Variants in DPH6 observed in about 807,000 individuals in gnomAD.
The protein encoded by DPH6 is diphthamine biosynthesis 6.
In DPH6, 33 loss-of-function variants were observed where a neutral mutation model predicts 38.2. The observed-to-expected ratio is 0.86, with a 90% CI of 0.65 to 1.15. DPH6 has a LOEUF of 1.15. Ranked by LOEUF, DPH6 falls within the 50% of genes most tolerant of loss-of-function variation. The pLI is 0.00. For synonymous variants in DPH6, 108 were observed against 103.0 expected, an observed-to-expected ratio of 1.05 and a Z score of -0.30; for missense variants, 325 against 320.0, an observed-to-expected ratio of 1.02 and a Z score of -0.12.
intron 6 of DPH6, among the ~76,000 whole-genome samples, chr15:35,405,132 T>A (rs1229170893): frequency 6.6e-6 from 1 of 152,152 alleles, no homozygotes; most frequent in Non-Finnish European, 1.5e-5. Flanking sequence ...TATAGCTCTG[T>A]AGCAGAGTTT....
chr15:35,311,007 C>T (rs1417902124), intron 3 of DPH6, among the ~76,000 whole-genome samples: 2 of 151,234 alleles, frequency 1.3e-5, no homozygotes, highest in African/African-American at 2.4e-5. Context: ...TGCAGTGAGC[C>T]GAGATCACTC....
the DPH6 span, among the ~76,000 whole-genome samples, chr15:35,177,239 T>G: frequency 1.3e-5 from 2 of 152,048 alleles, no homozygotes; most frequent in South Asian, 4.2e-4. Flanking sequence ...TTCAAAGTCA[T>G]GGATTTAGCA....
At position 35,464,155 on chromosome 15, in the gene DPH6, G is replaced by A. The variant is rs187090887; in HGVS notation, c.313-9335C>T. Among the ~76,000 whole-genome samples the A allele has an allele frequency of 9.2e-5, 14 of 152,120 alleles. No homozygotes were observed. In the South Asian group the frequency reaches 1.2e-3, roughly 14 times the overall value. On this transcript the variant is annotated intron_variant, in intron 3 of 8. Coordinates refer to ENST00000256538, the MANE Select transcript of DPH6 (RefSeq NM_080650.4). ...CTAAAAATACAAAAATTATCTGGGC[G>A]TGGTGGCACGCGCCTGTAATCCCAG...
chr15:35,215,780 G>A (rs561446263), downstream of DPH6, among the ~76,000 whole-genome samples: 6 of 152,202 alleles, frequency 3.9e-5, no homozygotes, highest in Admixed American at 3.3e-4. Context: ...AGCCACTGTC[G>A]GCACTATTAT....
At chr15:35,189,176 C>T in the DPH6 span, among the ~76,000 whole-genome samples, 2 of 152,130 alleles carry the variant, frequency 1.3e-5, no homozygotes, top group Non-Finnish European at 2.9e-5. Context: ...TAGCTTTATG[C>T]TACAAGTGAG....
chr15:35,447,445 G>A (rs2053869961), intron 5 of DPH6, among the ~76,000 whole-genome samples: 1 of 150,316 alleles, frequency 6.7e-6, no homozygotes, highest in Middle Eastern at 3.4e-3. Context: ...GTCCCCCCCC[G>A]CCATTTCCAT....
chr15:35,466,924 T>A (rs1438714251), intron 3 of DPH6, among the ~76,000 whole-genome samples: 3 of 152,172 alleles, frequency 2.0e-5, no homozygotes, highest in African/African-American at 7.2e-5. Flanking sequence ...GGTTGGAGCT[T>A]ACAGGACTGG....
chr15:35,298,526 A>T, intron 3 of DPH6: 1 of 778,772 alleles, frequency 1.3e-6, no homozygotes, highest in Non-Finnish European at 2.4e-6. Flanking sequence ...CATGTTCCTT[A>T]GTAGGACCAC....
At chr15:35,498,068 T>C (rs78193501) in intron 3 of DPH6, among the ~76,000 whole-genome samples, 2,895 of 152,296 alleles carry the variant, frequency 0.019, 32 homozygotes, top group South Asian at 0.035. Flanking sequence ...GAGCAGACTA[T>C]TATGCACAGC....
intron 3 of DPH6, among the ~76,000 whole-genome samples, chr15:35,247,839 A>T (rs2051646619): frequency 6.6e-6 from 1 of 152,208 alleles, no homozygotes. Flanking sequence ...AAGAAAAATC[A>T]GGTAAAAGGT....
At chr15:35,210,536 C>T in the DPH6 span, among the ~76,000 whole-genome samples, 5 of 152,164 alleles carry the variant, frequency 3.3e-5, no homozygotes, top group African/African-American at 1.2e-4. Flanking sequence ...CAAGGATGAA[C>T]AGTCATACAC....
the DPH6 span, among the ~76,000 whole-genome samples, chr15:35,193,422 C>G: frequency 6.6e-6 from 1 of 151,906 alleles, no homozygotes; most frequent in East Asian, 1.9e-4. Flanking sequence ...TTTAGATTAA[C>G]TTCTATAATT....
chr15:35,483,463 C>CA (rs202155666), intron 3 of DPH6, among the ~76,000 whole-genome samples: 40 of 94,058 alleles, frequency 4.3e-4, no homozygotes, highest in East Asian at 1.2e-3. Flanking sequence ...GACTCTGTCT[C>CA]AAAAAAAAAC....
At chr15:35,296,504 T>C (rs2052016114) in intron 3 of DPH6, among the ~76,000 whole-genome samples, 1 of 152,132 alleles carries the variant, frequency 6.6e-6, no homozygotes, top group Non-Finnish European at 1.5e-5. Flanking sequence ...GATTCTAGGC[T>C]CTATCACTTT....
At chr15:35,256,591 G>A (rs2622757) in intron 3 of DPH6, among the ~76,000 whole-genome samples, 86,895 of 152,146 alleles carry the variant, frequency 0.57, 27,585 homozygotes, top group Non-Finnish European at 0.73. Context: ...TGCAAAAGAG[G>A]CTGTGTGTAT....
At chr15:35,238,267 CAA>C (rs34671914) in intron 3 of DPH6, 251 of 234,012 alleles carry the variant, frequency 1.1e-3, no homozygotes, top group South Asian at 2.4e-3. Flanking sequence ...TTTTTACTGC[CAA>C]AAAAAAAAAA....
intron 3 of DPH6, chr15:35,237,868 A>C (rs2051566551): frequency 2.0e-6 from 3 of 1,500,280 alleles, no homozygotes; most frequent in African/African-American, 1.4e-5. Flanking sequence ...AGTATGACGA[A>C]GATGCTCAGG....
intron 5 of DPH6, among the ~76,000 whole-genome samples, chr15:35,437,271 C>T (rs1472964373): frequency 6.6e-6 from 1 of 152,114 alleles, no homozygotes; most frequent in Non-Finnish European, 1.5e-5. Flanking sequence ...CTTTTGAATG[C>T]ACCCTGAGTC....
At chr15:35,439,092 C>T (rs1318554837) in intron 5 of DPH6, among the ~76,000 whole-genome samples, 2 of 152,162 alleles carry the variant, frequency 1.3e-5, no homozygotes, top group Admixed American at 6.5e-5. Context: ...AGGTTTATGA[C>T]GATCTCACCT....
Sources: allele counts gnomAD v4.1 joint callset (sites outside exome capture counted in the v4.1 genomes callset), GRCh38; gene constraint gnomAD v4.1.1; transcripts MANE v1.5; gene names NCBI Gene and HGNC (gene_info 2026-07-23, HGNC 2026-07-21).